The following VEGFD variants were observed in gnomAD, a reference collection of about 807,000 sequenced individuals.
VEGFD encodes the protein vascular endothelial growth factor D.
Under a neutral mutation model 28.0 loss-of-function variants are expected in VEGFD, and 26 were observed. That is an observed-to-expected ratio of 0.93 (90% CI 0.68 to 1.29). The LOEUF (loss-of-function observed/expected upper bound fraction) is 1.29. Among genes scored for constraint, VEGFD ranks in the 50% most tolerant of loss-of-function variants. The pLI, the probability that VEGFD is intolerant of heterozygous loss-of-function variation, is 0.00. For missense variants in VEGFD, 294 were observed against 273.4 expected (o/e 1.08, Z -0.53); for synonymous variants, 93 against 95.5 (o/e 0.97, Z 0.15).
rs1056584843 is a variant in VEGFD, at chrX:15,363,052, T to C, written c.301+57A>G. On this transcript the variant is annotated intron_variant, in intron 2 of 6. Transcript: ENST00000297904. Reference sequence around the variant, plus strand: ...TACGCAGACTTTTGGAGAAAGTAAGTGTGTTTGTCACTATCTAATAAAGAG... The same window carrying C: ...TACGCAGACTTTTGGAGAAAGTAAGCGTGTTTGTCACTATCTAATAAAGAG... 7.4e-6 allele frequency: 8 copies of C among 1,080,610 alleles called. No homozygotes were observed. The Admixed American group carries it at 8.9e-5, about 12-fold the overall frequency. The allele number at this position is 1,080,610 out of a possible 1,213,427, so 89.1% of individuals were successfully genotyped here.
intron 1 of VEGFD, among the ~76,000 whole-genome samples, chrX:15,378,643 G>T (rs1335033844): frequency 9.0e-6 from 1 of 111,517 alleles, no homozygotes; most frequent in Non-Finnish European, 1.9e-5. Flanking sequence ...TGTCAGGTAT[G>T]GATGTGTACC....
chrX:15,367,946 G>A (rs1008348230), intron 1 of VEGFD, among the ~76,000 whole-genome samples: 1 of 92,897 alleles, frequency 1.1e-5, no homozygotes, highest in African/African-American at 4.2e-5. Context: ...AATGGAGCAC[G>A]ATCTTGAAAA....
At chrX:15,381,639 A>G (rs1347305577) in intron 1 of VEGFD, among the ~76,000 whole-genome samples, 3 of 111,934 alleles carry the variant, frequency 2.7e-5, no homozygotes. Context: ...AACATTTAGA[A>G]ACATTATTTC....
Position 15,345,864 on chromosome X carries a change from A to C in VEGFD, c.*269T>G, listed in dbSNP as rs1922531559. 3.4e-6 allele frequency: 1 copy of C among 295,868 alleles called. No homozygotes were observed. The highest frequency in any genetic ancestry group is 2.6e-5 in the African/African-American group (1 of 37,790). The allele number at this position is 295,868 out of a possible 1,213,427, so 24.4% of individuals were successfully genotyped here. On this transcript the variant is annotated 3_prime_UTR_variant, in exon 7 of 7. Transcript: ENST00000297904. ...CATGACCAGCACACCTTTCTCATTCACCAAAAAACAAAAACAAAACTAAAC... is the reference window on the plus strand; with the variant it reads ...CATGACCAGCACACCTTTCTCATTCCCCAAAAAACAAAAACAAAACTAAAC...
chrX:15,364,512 T>A (rs62580245), intron 1 of VEGFD, among the ~76,000 whole-genome samples: 18 of 112,087 alleles, frequency 1.6e-4, no homozygotes, highest in Non-Finnish European at 2.8e-4. Context: ...AAACAAAGGA[T>A]GTAGAGGTAT....
At chrX:15,350,857 T>TTCTC (rs1555947758) in intron 5 of VEGFD, among the ~76,000 whole-genome samples, 37 of 101,885 alleles carry the variant, frequency 3.6e-4, no homozygotes, top group African/African-American at 1.0e-3. Flanking sequence ...CTTTCTCTCT[T>TTCTC]TCTTTCTTTC....
chrX:15,363,868 A>T (rs1352127014), intron 1 of VEGFD, among the ~76,000 whole-genome samples: 1 of 112,241 alleles, frequency 8.9e-6, no homozygotes, highest in African/African-American at 3.2e-5. Flanking sequence ...GGATGAAGCA[A>T]GAAAAGATTC....
At position 15,358,083 on chromosome X, in the gene VEGFD, T is replaced by C; in HGVS notation, c.412A>G (p.Asn138Asp). Reference sequence around the variant, plus strand: ...CAACAGCCACCACATCGGAACACGTTCACACAAGGGGGCTTGAAGAATGTG... The same window carrying C: ...CAACAGCCACCACATCGGAACACGTCCACACAAGGGGGCTTGAAGAATGTG... ...TNTFFKPPCVNVFRCGGCCNE... is the reference protein window; with the variant it reads ...TNTFFKPPCVDVFRCGGCCNE... Residue 138 changes from asparagine to aspartate, a missense_variant, in exon 3 of 7, where the codon AAC (asparagine) becomes GAC (aspartate). Coordinates refer to ENST00000297904, the MANE Select transcript of VEGFD (RefSeq NM_004469.5). The C allele has an allele frequency of 1.7e-6, 2 of 1,211,751 alleles. No homozygotes were observed. The highest frequency in any genetic ancestry group is 2.2e-6 in the Non-Finnish European group (2 of 895,444).
intron 5 of VEGFD, among the ~76,000 whole-genome samples, chrX:15,352,189 G>C (rs939233353): frequency 3.6e-5 from 4 of 112,517 alleles, no homozygotes; most frequent in African/African-American, 1.3e-4. Flanking sequence ...GAAGAATGGA[G>C]AGTAGGTTGC....
chrX:15,362,746 G>A (rs923382663), intron 2 of VEGFD, among the ~76,000 whole-genome samples: 51 of 111,045 alleles, frequency 4.6e-4, no homozygotes, highest in African/African-American at 1.6e-3. Flanking sequence ...ATGTATGTAT[G>A]GCAGTAGAAT....
At chrX:15,346,955 T>C (rs1922566754) in intron 6 of VEGFD, among the ~76,000 whole-genome samples, 1 of 110,728 alleles carries the variant, frequency 9.0e-6, no homozygotes. Flanking sequence ...ACACACATAA[T>C]AACAGGCAGG....
chrX:15,373,737 C>T (rs185847018), intron 1 of VEGFD, among the ~76,000 whole-genome samples: 232 of 111,405 alleles, frequency 2.1e-3, no homozygotes, highest in African/African-American at 7.3e-3. Context: ...GAGGTGGATT[C>T]GGTTGCAATA....
chrX:15,365,793 A>AT (rs1469072441), intron 1 of VEGFD, among the ~76,000 whole-genome samples: 1 of 110,959 alleles, frequency 9.0e-6, no homozygotes, highest in Admixed American at 9.6e-5. Context: ...ATATTTAGCT[A>AT]TTTTTTCCTC....
chrX:15,347,188 T>C lies in VEGFD; in HGVS notation c.914A>G (p.Lys305Arg). 8.3e-7 allele frequency: 1 copy of C among 1,210,534 alleles called. No individual in the cohort carries two copies. The highest frequency in any genetic ancestry group is 3.0e-5 in the East Asian group (1 of 33,757). The change falls in exon 6 of 7, where the codon AAG (lysine) becomes AGG (arginine). Residue 305 changes from lysine (K) to arginine (R), a missense_variant. By Grantham distance (26) the Lys-to-Arg change is conservative. Transcript: ENST00000297904. ...ESLETCCQKH[K>R]LFHPDTCSCE... ...CCTGCAGGTGTCTGGGTGAAATAGC[T>C]TGTGCTTCTGGCAGCAGGTCTCCAG...
At chrX:15,371,291 C>G (rs1444375335) in intron 1 of VEGFD, among the ~76,000 whole-genome samples, 1 of 112,129 alleles carries the variant, frequency 8.9e-6, no homozygotes, top group Admixed American at 9.5e-5. Flanking sequence ...ACTCTTCTCT[C>G]TCACATCAAC....
At chrX:15,351,184 C>T (rs1454710989) in intron 5 of VEGFD, among the ~76,000 whole-genome samples, 3 of 92,360 alleles carry the variant, frequency 3.2e-5, no homozygotes, top group Non-Finnish European at 4.3e-5. Context: ...GGCGGGATCT[C>T]GGCTCACTGC....
intron 1 of VEGFD, among the ~76,000 whole-genome samples, chrX:15,372,198 A>G (rs1923326436): frequency 8.9e-6 from 1 of 111,967 alleles, no homozygotes; most frequent in Non-Finnish European, 1.9e-5. Flanking sequence ...TGCACATTGG[A>G]AAGCGCAACA....
intron 1 of VEGFD, among the ~76,000 whole-genome samples, chrX:15,367,622 A>G (rs940487216): frequency 9.0e-6 from 1 of 111,486 alleles, no homozygotes; most frequent in Non-Finnish European, 1.9e-5. Context: ...GCATATTGAA[A>G]GGATTTTTAT....
chrX:15,379,638 C>G (rs1181335881), intron 1 of VEGFD, among the ~76,000 whole-genome samples: 2 of 112,201 alleles, frequency 1.8e-5, no homozygotes, highest in African/African-American at 6.5e-5. Flanking sequence ...TCCACTCTCT[C>G]TGTTCATCCT....
Sources: gnomAD v4.1 joint callset for allele counts (sites outside exome capture counted in the v4.1 genomes callset) on GRCh38, gnomAD v4.1.1 for gene constraint, MANE v1.5 for transcripts, NCBI Gene and HGNC (gene_info 2026-07-23, HGNC 2026-07-21) for gene names.